SCN10A: variants seen among roughly 807,000 people sequenced by gnomAD.
SCN10A encodes sodium voltage-gated channel alpha subunit 10.
SCN10A carries 162 observed loss-of-function variants against 170.7 expected under a neutral mutation model. The ratio of observed to expected loss-of-function variants is 0.95; its 90% CI spans 0.84 to 1.08. The LOEUF is 1.08. Among genes scored for constraint, SCN10A ranks in the 50% least tolerant of loss-of-function variants. The probability of loss-of-function intolerance (pLI) is 0.00; values close to 1 mark genes in which losing one functional copy is unlikely to be tolerated. For missense variants in SCN10A, 2,527 were observed against 2,436.9 expected (o/e 1.04, Z -0.78); for synonymous variants, 985 against 904.6 (o/e 1.09, Z -1.59).
chr3:38,708,589 C>T (rs559532875), intron 25 of SCN10A, among the ~76,000 whole-genome samples: 9 of 152,268 alleles, frequency 5.9e-5, no homozygotes, highest in Admixed American at 1.3e-4. Context: ...GCTCTTGAGG[C>T]GCTGCCAGTC....
At chr3:38,799,401 A>G (rs1042217389) in intron 1 of SCN10A, among the ~76,000 whole-genome samples, 4 of 152,180 alleles carry the variant, frequency 2.6e-5, no homozygotes, top group African/African-American at 7.2e-5. Flanking sequence ...GAATTTGTAA[A>G]CAAGTGTCCT....
intron 15 of SCN10A, among the ~76,000 whole-genome samples, chr3:38,736,978 T>G (rs1300613106): frequency 1.8e-5 from 2 of 109,396 alleles, no homozygotes; most frequent in African/African-American, 3.7e-5. Flanking sequence ...TTTTTTTTTT[T>G]TTTTTTTTTT....
chr3:38,765,301 A>G (rs1209053738), intron 5 of SCN10A, among the ~76,000 whole-genome samples: 2 of 152,192 alleles, frequency 1.3e-5, no homozygotes, highest in Admixed American at 1.3e-4. Flanking sequence ...AATGTCTAGA[A>G]GAGTTTTTCC....
chr3:38,731,285 A>C (rs986765597), intron 15 of SCN10A, among the ~76,000 whole-genome samples: 3 of 152,230 alleles, frequency 2.0e-5, no homozygotes. Flanking sequence ...AGCAAATTTC[A>C]GATAAACAAA....
At chr3:38,810,479 A>G (rs954752213) in intron 1 of SCN10A, among the ~76,000 whole-genome samples, 3 of 152,200 alleles carry the variant, frequency 2.0e-5, no homozygotes, top group Non-Finnish European at 4.4e-5. Context: ...GGACAAAAAT[A>G]TTGTATCTCC....
intron 1 of SCN10A, among the ~76,000 whole-genome samples, chr3:38,800,473 G>A (rs2064364440): frequency 6.6e-6 from 1 of 152,170 alleles, no homozygotes; most frequent in Admixed American, 6.5e-5. Flanking sequence ...GGTGAAACAG[G>A]ACAAGGTTAT....
intron 13 of SCN10A, among the ~76,000 whole-genome samples, chr3:38,743,114 G>A (rs1384126408): frequency 2.0e-5 from 3 of 151,976 alleles, no homozygotes; most frequent in Admixed American, 6.6e-5. Context: ...CTCTTCCCCC[G>A]TCTAACCTCC....
chr3:38,720,164 C>G (rs535566301), intron 20 of SCN10A, among the ~76,000 whole-genome samples: 1 of 152,200 alleles, frequency 6.6e-6, no homozygotes, highest in Middle Eastern at 3.4e-3. Flanking sequence ...GTGTCTAGGA[C>G]GAGGACTAAG....
At chr3:38,798,970 A>G (rs1343527179) in intron 1 of SCN10A, among the ~76,000 whole-genome samples, 1 of 151,252 alleles carries the variant, frequency 6.6e-6, no homozygotes, top group Non-Finnish European at 1.5e-5. Context: ...CATATTTTTG[A>G]TGGGGTTTTT....
intron 1 of SCN10A, among the ~76,000 whole-genome samples, chr3:38,804,814 G>A (rs1446868615): frequency 6.6e-6 from 1 of 152,070 alleles, no homozygotes; most frequent in Admixed American, 6.6e-5. Context: ...AACAATAAAG[G>A]CTGAAACCAG....
intron 11 of SCN10A, among the ~76,000 whole-genome samples, chr3:38,754,058 A>G (rs759348920): frequency 2.0e-5 from 3 of 152,200 alleles, no homozygotes; most frequent in Non-Finnish European, 4.4e-5. Context: ...GGGCTCCAAT[A>G]AATCAATTAG....
intron 3 of SCN10A, among the ~76,000 whole-genome samples, chr3:38,791,490 G>T (rs2064280463): frequency 6.6e-6 from 1 of 152,152 alleles, no homozygotes; most frequent in African/African-American, 2.4e-5. Flanking sequence ...TGAGTAATTT[G>T]TGATGTTAAC....
At chr3:38,725,671 TG>T (rs1294296867) in intron 17 of SCN10A, among the ~76,000 whole-genome samples, 2 of 152,260 alleles carry the variant, frequency 1.3e-5, no homozygotes, top group Non-Finnish European at 2.9e-5. Context: ...ACGAAGTGCT[TG>T]GCTCAATAGA....
intron 15 of SCN10A, among the ~76,000 whole-genome samples, chr3:38,731,162 A>G (rs2063509906): frequency 6.6e-6 from 1 of 152,256 alleles, no homozygotes; most frequent in Non-Finnish European, 1.5e-5. Flanking sequence ...ACTGCTCATT[A>G]GCAACAATGG....
At chr3:38,791,459 T>C (rs2064280121) in intron 3 of SCN10A, among the ~76,000 whole-genome samples, 1 of 152,220 alleles carries the variant, frequency 6.6e-6, no homozygotes, top group African/African-American at 2.4e-5. Flanking sequence ...TTATTGACAT[T>C]TTAAACCTGC....
rs770389041 is a variant in SCN10A at position 38,755,817 on chromosome 3, G to A, written c.1432C>T (p.Arg478Cys). 6.4e-5 allele frequency: 104 copies of A among 1,613,862 alleles called. No homozygotes were observed. Among genetic ancestry groups the A allele is most frequent in the Non-Finnish European group, 8.2e-5 (97 of 1,180,036 alleles). ...EGSTEDNKSP[R>C]SDPYNQRRMS... is the part of the protein sequence containing the mutation. ...CTGCGCTGGTTGTAAGGATCAGAGC[G>A]GGGTGATTTGTTGTCTTCTGTGGAG... The change falls in exon 11 of 28, where the codon CGC (arginine) becomes TGC (cysteine). Residue 478 changes from arginine to cysteine, a missense_variant. Physicochemically the swap from Arg to Cys is radical, Grantham distance 180 (BLOSUM62 -3). Coordinates refer to ENST00000449082, the MANE Select transcript of SCN10A (RefSeq NM_006514.4).
chr3:38,729,048 A>G, intron 15 of SCN10A, 147 bp from the exon 16 acceptor site: 2 of 934,912 alleles, frequency 2.1e-6, no homozygotes, highest in Non-Finnish European at 3.1e-6. Flanking sequence ...GCTTTTGGAG[A>G]CCTTTCTTCC....
At chr3:38,804,435 C>T (rs2064393641) in intron 1 of SCN10A, among the ~76,000 whole-genome samples, 2 of 152,074 alleles carry the variant, frequency 1.3e-5, no homozygotes, top group South Asian at 4.1e-4. Flanking sequence ...TATTTATCTC[C>T]TTCAGCTAGA....
In SCN10A at chr3:38,761,448, A is replaced by G. The variant is rs1020877375; in HGVS notation, c.692-65T>C. The G allele has an allele frequency of 1.1e-5, 15 of 1,387,758 alleles. No individual in the cohort carries two copies. In the African/African-American group the frequency reaches 1.9e-4, roughly 17 times the overall value. 86.0% of individuals were successfully genotyped at this position (1,387,758 alleles called of 1,614,324 possible). A position where few individuals can be genotyped will look rare whatever the true frequency, so the allele number is the denominator to read the frequency against. ...TAGCACACACGGAGCACACTTCTTC[A>G]TCTTAGCCATCCTCCTTCATCTCTA... is the stretch of plus-strand genomic sequence containing the variant. On this transcript the variant is annotated intron_variant, in intron 6 of 27. Coordinates refer to ENST00000449082, the MANE Select transcript of SCN10A (RefSeq NM_006514.4).
Sources: allele counts gnomAD v4.1 joint callset (sites outside exome capture counted in the v4.1 genomes callset), GRCh38; gene constraint gnomAD v4.1.1; transcripts MANE v1.5; gene names NCBI Gene and HGNC (gene_info 2026-07-23, HGNC 2026-07-21).